LRP1B: variants seen among roughly 807,000 people sequenced by gnomAD.
LRP1B encodes low-density lipoprotein receptor-related protein 1B.
A neutral mutation model predicts 556.6 loss-of-function variants in LRP1B; 217 were observed. The ratio of observed to expected loss-of-function variants is 0.39; its 90% CI spans 0.35 to 0.44. The LOEUF is 0.44. LRP1B is among the 20% of genes least tolerant of loss of function. The pLI is 1.00. For synonymous variants in LRP1B, 2,047 were observed against 1,865.8 expected (o/e 1.10, Z -2.50); for missense variants, 5,053 against 5,620.8 (o/e 0.90, Z 3.23).
chr2:141,469,747 CAA>C (rs1682388590), intron 3 of LRP1B, among the ~76,000 whole-genome samples: 1 of 152,148 alleles, frequency 6.6e-6, no homozygotes, highest in Admixed American at 6.6e-5. Flanking sequence ...CAACAGATCT[CAA>C]GTCTTCTAAA....
intron 43 of LRP1B, among the ~76,000 whole-genome samples, chr2:140,572,083 G>T (rs923589198): frequency 6.6e-6 from 1 of 151,560 alleles, no homozygotes; most frequent in Non-Finnish European, 1.5e-5. Flanking sequence ...TATAGGTCTT[G>T]AAAAATATTT....
intron 55 of LRP1B, among the ~76,000 whole-genome samples, chr2:140,498,164 A>G (rs777096734): frequency 4.6e-5 from 7 of 151,892 alleles, no homozygotes; most frequent in Non-Finnish European, 1.0e-4. Flanking sequence ...TTTTTATGAA[A>G]GTGAGAATTA....
intron 41 of LRP1B, among the ~76,000 whole-genome samples, chr2:140,685,214 G>A (rs1686006766): frequency 6.6e-6 from 1 of 152,126 alleles, no homozygotes; most frequent in Admixed American, 6.5e-5. Context: ...ATATATGTAT[G>A]CTATGGTTGT....
At chr2:142,067,762 A>T (rs1239112768) in intron 1 of LRP1B, among the ~76,000 whole-genome samples, 1 of 151,588 alleles carries the variant, frequency 6.6e-6, no homozygotes, top group African/African-American at 2.4e-5. Flanking sequence ...AAACTGATTC[A>T]CAAGTGAAAA....
chr2:140,983,332 A>T (rs1392948013), intron 17 of LRP1B, among the ~76,000 whole-genome samples: 1 of 152,102 alleles, frequency 6.6e-6, no homozygotes, highest in African/African-American at 2.4e-5. Context: ...AGGCTTGAAC[A>T]GATAGTGAAT....
At chr2:141,597,508 A>G (rs1687567936) in intron 2 of LRP1B, among the ~76,000 whole-genome samples, 1 of 152,066 alleles carries the variant, frequency 6.6e-6, no homozygotes, top group South Asian at 2.1e-4. Context: ...CTAAACTTCC[A>G]TCAGTATAGA....
Position 141,425,797 on chromosome 2 carries a change from T to C in LRP1B, c.343+54599A>G, listed in dbSNP as rs901413047. ...TTTTTTTCTTGTAAATTTGTTTGAG[T>C]TCATTGTAGATTCTGGATATTAGCC... On this transcript the variant is annotated intron_variant, in intron 3 of 90. Coordinates refer to ENST00000389484, the MANE Select transcript of LRP1B (RefSeq NM_018557.3). Among the ~76,000 whole-genome samples, 65 of 151,998 alleles carry C rather than the reference T, an allele frequency of 4.3e-4. No individual in the cohort carries two copies. The East Asian group carries it at 0.011, about 27-fold the overall frequency.
At chr2:140,435,719 G>A (rs1686148646) in intron 66 of LRP1B, among the ~76,000 whole-genome samples, 2 of 151,636 alleles carry the variant, frequency 1.3e-5, no homozygotes, top group South Asian at 4.2e-4. Context: ...TATCCTTTTG[G>A]TGGAGAGTCA....
intron 2 of LRP1B, among the ~76,000 whole-genome samples, chr2:141,517,324 G>A (rs112695354): frequency 2.4e-4 from 14 of 58,558 alleles, no homozygotes; most frequent in African/African-American, 6.6e-4. Context: ...GCTGGATTTC[G>A]ATCTCAGACC....
At chr2:141,887,922 G>A (rs992616258) in intron 1 of LRP1B, among the ~76,000 whole-genome samples, 2 of 152,154 alleles carry the variant, frequency 1.3e-5, no homozygotes, top group African/African-American at 4.8e-5. Context: ...TTGATTTATA[G>A]CAACAGCAAA....
At chr2:141,703,079 A>C (rs1329518255) in intron 2 of LRP1B, among the ~76,000 whole-genome samples, 2 of 151,932 alleles carry the variant, frequency 1.3e-5, no homozygotes, top group Admixed American at 1.3e-4. Flanking sequence ...ATCTGTGCTG[A>C]GTTGTCCTGA....
At chr2:140,289,846 A>AT (rs1170060356) in intron 84 of LRP1B, among the ~76,000 whole-genome samples, 1 of 151,980 alleles carries the variant, frequency 6.6e-6, no homozygotes, top group Non-Finnish European at 1.5e-5. Flanking sequence ...ATCTAATTTT[A>AT]TTTTTACACT....
intron 2 of LRP1B, among the ~76,000 whole-genome samples, chr2:141,614,881 T>C (rs981286768): frequency 6.6e-6 from 1 of 152,182 alleles, no homozygotes; most frequent in African/African-American, 2.4e-5. Flanking sequence ...CAAACTAATA[T>C]AAATTTTTAT....
intron 21 of LRP1B, among the ~76,000 whole-genome samples, chr2:140,917,904 T>C (rs1694625841): frequency 6.6e-6 from 1 of 152,242 alleles, no homozygotes; most frequent in Middle Eastern, 3.4e-3. Context: ...ACCACTTTGG[T>C]GCAGTATATT....
At chr2:142,069,386 T>C (rs1459151622) in intron 1 of LRP1B, among the ~76,000 whole-genome samples, 1 of 151,584 alleles carries the variant, frequency 6.6e-6, no homozygotes, top group African/African-American at 2.4e-5. Context: ...ATCACATTAA[T>C]ACTCTTGGGA....
At chr2:141,548,056 A>T (rs1051962312) in intron 2 of LRP1B, among the ~76,000 whole-genome samples, 3 of 152,214 alleles carry the variant, frequency 2.0e-5, no homozygotes, top group African/African-American at 7.2e-5. Context: ...ACAAAAGAGC[A>T]AGAGTTTCAA....
At chr2:141,088,204 G>A (rs1338943862) in intron 7 of LRP1B, among the ~76,000 whole-genome samples, 2 of 152,058 alleles carry the variant, frequency 1.3e-5, no homozygotes, top group African/African-American at 4.8e-5. Flanking sequence ...TATTGGAAGG[G>A]ACTCTTATTG....
rs142413680 is a variant in LRP1B, at chr2:141,319,164, A to G, written c.344-64523T>C. Among the ~76,000 whole-genome samples, 245 of 152,188 alleles carry G rather than the reference A, an allele frequency of 1.6e-3. 1 individual carries two copies. The highest frequency in any genetic ancestry group is 5.4e-3 in the African/African-American group (223 of 41,550). On this transcript the variant is annotated intron_variant, in intron 3 of 90. Transcript: ENST00000389484. Reference sequence around the variant, plus strand: ...TTGTGTATTTGAGTAAAGCAAACACATATTTGTAATATCGTCAACAAATAC... The same window carrying G: ...TTGTGTATTTGAGTAAAGCAAACACGTATTTGTAATATCGTCAACAAATAC...
intron 1 of LRP1B, among the ~76,000 whole-genome samples, chr2:141,858,327 AAC>A (rs1574434890): frequency 6.6e-6 from 1 of 152,304 alleles, no homozygotes; most frequent in East Asian, 1.9e-4. Context: ...CCTATTTATT[AAC>A]ACAGTTATTT....
Sources: allele counts gnomAD v4.1 joint callset (sites outside exome capture counted in the v4.1 genomes callset), GRCh38; gene constraint gnomAD v4.1.1; transcripts MANE v1.5; gene names NCBI Gene and HGNC (gene_info 2026-07-23, HGNC 2026-07-21).